Variants in ENTREP2 observed in about 807,000 individuals in gnomAD.
ENTREP2 encodes the protein protein ENTREP2.
chr15:29,396,782 T>C, the ENTREP2 span, among the ~76,000 whole-genome samples: 1 of 152,206 alleles, frequency 6.6e-6, no homozygotes, highest in African/African-American at 2.4e-5. Flanking sequence ...AGTTAATTTT[T>C]GTATAGGATG....
the ENTREP2 span, among the ~76,000 whole-genome samples, chr15:29,179,580 G>A: frequency 4.0e-5 from 6 of 149,094 alleles, no homozygotes; most frequent in South Asian, 2.1e-4. Flanking sequence ...GGCCGGAGTC[G>A]TCTTTTTTTT....
chr15:29,475,641 T>C, the ENTREP2 span, among the ~76,000 whole-genome samples: 1 of 151,746 alleles, frequency 6.6e-6, no homozygotes, highest in South Asian at 2.1e-4. Context: ...TCCCTGGATG[T>C]CCAAATGGAA....
the ENTREP2 span, among the ~76,000 whole-genome samples, chr15:29,273,417 C>G: frequency 6.6e-6 from 1 of 151,874 alleles, no homozygotes; most frequent in African/African-American, 2.4e-5. Context: ...AGGCTGGTCT[C>G]GAACTCCTGA....
chr15:29,128,113 A>T, the ENTREP2 span, among the ~76,000 whole-genome samples: 2 of 152,194 alleles, frequency 1.3e-5, no homozygotes, highest in African/African-American at 4.8e-5. Context: ...GTGGGATCAC[A>T]TGAGTTATCT....
At chr15:29,445,306 T>C in the ENTREP2 span, among the ~76,000 whole-genome samples, 1 of 152,180 alleles carries the variant, frequency 6.6e-6, no homozygotes, top group Non-Finnish European at 1.5e-5. Context: ...GCTAATAAGA[T>C]GAGTGGTAGT....
chr15:29,402,173 C>T, the ENTREP2 span, among the ~76,000 whole-genome samples: 4 of 151,630 alleles, frequency 2.6e-5, no homozygotes, highest in South Asian at 2.1e-4. Context: ...TGGAAACAAC[C>T]GAGGTGTGCA....
the ENTREP2 span, among the ~76,000 whole-genome samples, chr15:29,314,310 C>T: frequency 1.3e-5 from 2 of 152,172 alleles, no homozygotes; most frequent in South Asian, 2.1e-4. Flanking sequence ...TTGCATGCTA[C>T]GGACAAATCT....
At chr15:29,471,468 A>G in the ENTREP2 span, among the ~76,000 whole-genome samples, 6 of 152,324 alleles carry the variant, frequency 3.9e-5, no homozygotes, top group East Asian at 1.2e-3. Context: ...ACAAGCACAG[A>G]AAACAGAGAG....
chr15:29,184,543 C>T, the ENTREP2 span, among the ~76,000 whole-genome samples: 1 of 152,238 alleles, frequency 6.6e-6, no homozygotes, highest in East Asian at 1.9e-4. Context: ...GCAGCTCAGC[C>T]CCTGCACATC....
the ENTREP2 span, among the ~76,000 whole-genome samples, chr15:29,469,344 C>T: frequency 0.03 from 4,601 of 152,238 alleles, 97 homozygotes; most frequent in Non-Finnish European, 0.042. Flanking sequence ...GAATTACAGG[C>T]GCACGCCACC....
At chr15:29,310,913 T>C in the ENTREP2 span, among the ~76,000 whole-genome samples, 1 of 151,954 alleles carries the variant, frequency 6.6e-6, no homozygotes, top group East Asian at 1.9e-4. Context: ...TAAAACCCCA[T>C]CACTGCAAAT....
chr15:29,337,688 T>C, the ENTREP2 span, among the ~76,000 whole-genome samples: 2 of 152,166 alleles, frequency 1.3e-5, no homozygotes, highest in African/African-American at 4.8e-5. Flanking sequence ...TAATCAGAGT[T>C]TGGCAATGCT....
the ENTREP2 span, among the ~76,000 whole-genome samples, chr15:29,560,426 G>C: frequency 6.6e-6 from 1 of 152,316 alleles, no homozygotes. Context: ...GTGGGGCAGA[G>C]AGAGAGAAGC....
chr15:29,519,606 C>T, the ENTREP2 span, among the ~76,000 whole-genome samples: 2 of 152,194 alleles, frequency 1.3e-5, no homozygotes, highest in Non-Finnish European at 1.5e-5. Flanking sequence ...ATGTAACCTA[C>T]ATAATGTGTT....
At chr15:29,639,076 A>G in the ENTREP2 span, among the ~76,000 whole-genome samples, 3 of 152,346 alleles carry the variant, frequency 2.0e-5, no homozygotes, top group Non-Finnish European at 4.4e-5. Context: ...TTGAGTTTTC[A>G]ACCTTGATTT....
chr15:29,444,170 CAAAGAAAGAAAG>C, the ENTREP2 span, among the ~76,000 whole-genome samples: 6,933 of 70,640 alleles, frequency 0.098, 409 homozygotes, highest in East Asian at 0.14. Flanking sequence ...GAAAGACAGA[CAAAGAAAGAAAG>C]AAAGAAAGAA....
the ENTREP2 span, among the ~76,000 whole-genome samples, chr15:29,579,520 C>CT: frequency 1.8e-3 from 199 of 111,460 alleles, 1 homozygote; most frequent in East Asian, 7.2e-3. Context: ...TGGTTTCTTT[C>CT]TTTTTTTTTT....
At chr15:29,269,289 C>G in the ENTREP2 span, 1 of 1,614,216 alleles carries the variant, frequency 6.2e-7, no homozygotes, top group Non-Finnish European at 8.5e-7. Flanking sequence ...CCAGCTTATA[C>G]CCGAAGACGT....
the ENTREP2 span, among the ~76,000 whole-genome samples, chr15:29,320,233 G>A: frequency 6.6e-6 from 1 of 152,108 alleles, no homozygotes; most frequent in Admixed American, 6.5e-5. Flanking sequence ...CAGCAACAGG[G>A]CTGCAGTATA....
Sources: gnomAD v4.1 joint callset for allele counts (sites outside exome capture counted in the v4.1 genomes callset) on GRCh38, gnomAD v4.1.1 for gene constraint, MANE v1.5 for transcripts, NCBI Gene and HGNC (gene_info 2026-07-23, HGNC 2026-07-21) for gene names.